Variants in PCBP3 observed in about 807,000 individuals in gnomAD.
The protein encoded by PCBP3 is poly(rC) binding protein 3, also known as poly(rC)-binding protein 3.
PCBP3 carries 25 observed loss-of-function variants against 52.7 expected under a neutral mutation model. That is an observed-to-expected ratio of 0.47 (90% CI 0.35 to 0.66). The LOEUF is 0.66. Ranked by LOEUF, PCBP3 falls within the 30% of genes least tolerant of loss-of-function variation. The pLI is 0.01. For missense variants in PCBP3, 391 were observed against 490.3 expected, an observed-to-expected ratio of 0.80 and a Z score of 1.91; for synonymous variants, 162 against 183.0, an observed-to-expected ratio of 0.89 and a Z score of 0.93.
rs143438385 is a variant in PCBP3, at chr21:45,898,922, G to A, written c.166-677G>A. Reference sequence around the variant, plus strand: ...TTTTCCACAGACCCCTCTGCACGCCGTCCTCACGGCCTCCCTCTCCCTCCA... The same window carrying A: ...TTTTCCACAGACCCCTCTGCACGCCATCCTCACGGCCTCCCTCTCCCTCCA... On this transcript the variant is annotated intron_variant, in intron 6 of 17. Coordinates refer to ENST00000681687, the MANE Select transcript of PCBP3 (RefSeq NM_001384156.1). Among the ~76,000 whole-genome samples, 1,073 of 144,248 alleles carry A rather than the reference G, an allele frequency of 7.4e-3. 17 individuals carry two copies. Among genetic ancestry groups the A allele is most frequent in the African/African-American group, 0.025 (966 of 38,154 alleles). The allele number at this position is 144,248 out of a possible 152,430, so 94.6% of individuals were successfully genotyped here. A position where few individuals can be genotyped will look rare whatever the true frequency, so the allele number is the denominator to read the frequency against.
chr21:45,924,017 A>G (rs868410932), intron 13 of PCBP3, among the ~76,000 whole-genome samples: 372 of 25,718 alleles, frequency 0.014, 59 homozygotes, highest in Middle Eastern at 0.036. Context: ...TCGGGTGTGC[A>G]CGAGGAGATG....
intron 2 of PCBP3, among the ~76,000 whole-genome samples, chr21:45,685,425 A>G (rs1454138089): frequency 6.6e-6 from 1 of 151,956 alleles, no homozygotes; most frequent in African/African-American, 2.4e-5. Context: ...TACCACCACT[A>G]AAAAAAATAA....
chr21:45,822,400 A>T (rs2093167231), intron 4 of PCBP3, among the ~76,000 whole-genome samples: 1 of 152,196 alleles, frequency 6.6e-6, no homozygotes, highest in Admixed American at 6.5e-5. Context: ...CTATAAATCA[A>T]CCATAGCAAG....
rs549948948 is a variant in PCBP3 at position 45,704,086 on chromosome 21, A to G, written c.-199-31306A>G. Among the ~76,000 whole-genome samples the G allele has an allele frequency of 1.4e-4, 22 of 152,288 alleles. No homozygotes were observed. The highest frequency in any genetic ancestry group is 6.8e-3 in the Middle Eastern group (2 of 294). ...GAGGCTGGCCCTCTGGCTGATGTCAAGAGGTCAGAAGGGAAGACACGTTTA... is the reference window on the plus strand; with the variant it reads ...GAGGCTGGCCCTCTGGCTGATGTCAGGAGGTCAGAAGGGAAGACACGTTTA... On this transcript the variant is annotated intron_variant, in intron 2 of 17. Coordinates refer to ENST00000681687, the MANE Select transcript of PCBP3 (RefSeq NM_001384156.1). This position sits in a 1 kb window ranked among gnomAD's most constrained non-coding sequence, Gnocchi z 4.1.
chr21:45,890,487 A>T (rs1031927799), intron 5 of PCBP3, among the ~76,000 whole-genome samples: 1 of 152,030 alleles, frequency 6.6e-6, no homozygotes, highest in African/African-American at 2.4e-5. Flanking sequence ...GGGAATGTAG[A>T]TAATAGAACC....
chr21:45,827,103 C>T lies in PCBP3; in HGVS notation c.-125-22858C>T, dbSNP rs1187563275. 6.6e-6 allele frequency among the ~76,000 whole-genome samples: 1 copy of T among 152,176 alleles called. No individual in the cohort carries two copies. The highest frequency in any genetic ancestry group is 2.1e-4 in the South Asian group (1 of 4,832). On this transcript the variant is annotated intron_variant, in intron 4 of 17. Coordinates refer to ENST00000681687, the MANE Select transcript of PCBP3 (RefSeq NM_001384156.1). This position sits in a 1 kb window ranked among gnomAD's most constrained non-coding sequence, Gnocchi z 4.3. Reference sequence around the variant, plus strand: ...GGCTCTCAAGAGCGCTCCCCACTCCCGCGTCCCTGGGGACCACACGGGGAC... The same window carrying T: ...GGCTCTCAAGAGCGCTCCCCACTCCTGCGTCCCTGGGGACCACACGGGGAC...
intron 4 of PCBP3, among the ~76,000 whole-genome samples, chr21:45,767,044 C>A (rs1171007697): frequency 1.3e-5 from 2 of 152,120 alleles, no homozygotes; most frequent in Admixed American, 6.5e-5. Flanking sequence ...CTCCCCTCCC[C>A]CCTTTTAATT....
At chr21:45,895,649 C>G (rs952334300) in intron 5 of PCBP3, among the ~76,000 whole-genome samples, 1 of 152,260 alleles carries the variant, frequency 6.6e-6, no homozygotes, top group East Asian at 1.9e-4. Flanking sequence ...TTGGAAGGCA[C>G]TTGCCGAGAA....
chr21:45,809,551 A>G (rs955686090), intron 4 of PCBP3, among the ~76,000 whole-genome samples: 80 of 152,178 alleles, frequency 5.3e-4, no homozygotes, highest in African/African-American at 1.6e-3. Flanking sequence ...GGGGAGCACA[A>G]TCGTGCTCGG....
At chr21:45,695,602 A>G (rs768029831) in intron 2 of PCBP3, among the ~76,000 whole-genome samples, 43 of 151,976 alleles carry the variant, frequency 2.8e-4, no homozygotes, top group Non-Finnish European at 4.0e-4. Flanking sequence ...TGTTATTCCT[A>G]TATTCTTTAC....
chr21:45,720,648 G>A (rs1354772037), intron 2 of PCBP3, among the ~76,000 whole-genome samples: 2 of 152,170 alleles, frequency 1.3e-5, no homozygotes, highest in Admixed American at 1.3e-4. Context: ...TTGGAGTTTT[G>A]AAAACACCTT....
intron 15 of PCBP3, among the ~76,000 whole-genome samples, chr21:45,934,389 A>G (rs919860377): frequency 6.6e-6 from 1 of 152,214 alleles, no homozygotes; most frequent in African/African-American, 2.4e-5. Flanking sequence ...GCAGCTTCCA[A>G]GCAAGAGCAA....
chr21:45,927,813 G>A (rs2075673436), intron 13 of PCBP3, among the ~76,000 whole-genome samples: 1 of 152,126 alleles, frequency 6.6e-6, no homozygotes, highest in Non-Finnish European at 1.5e-5. Context: ...GAGACACCAG[G>A]CCTTCCTGTC....
intron 2 of PCBP3, among the ~76,000 whole-genome samples, chr21:45,685,315 A>C (rs2082085687): frequency 6.6e-6 from 1 of 152,174 alleles, no homozygotes; most frequent in South Asian, 2.1e-4. Context: ...ACAGTTGTGG[A>C]GATAGATGGT....
At chr21:45,712,119 A>C (rs1185935657) in intron 2 of PCBP3, among the ~76,000 whole-genome samples, 1 of 152,236 alleles carries the variant, frequency 6.6e-6, no homozygotes, top group South Asian at 2.1e-4. Flanking sequence ...TGTTGTATAA[A>C]TATACCTTGA....
chr21:45,757,030 G>A (rs1342288288), intron 4 of PCBP3, among the ~76,000 whole-genome samples: 1 of 152,148 alleles, frequency 6.6e-6, no homozygotes, highest in East Asian at 1.9e-4. Context: ...TTTTAACTTA[G>A]CTTGAGTTTA....
At chr21:45,740,735 A>G (rs570113264) in intron 3 of PCBP3, among the ~76,000 whole-genome samples, 32 of 151,286 alleles carry the variant, frequency 2.1e-4, no homozygotes, top group South Asian at 1.0e-3. Context: ...GTGTGCACGC[A>G]TGCGTGTGTG....
intron 5 of PCBP3, chr21:45,894,142 T>C (rs2095758815): frequency 5.5e-6 from 3 of 541,888 alleles, no homozygotes; most frequent in Non-Finnish European, 7.1e-6. Flanking sequence ...GGGCACTGAG[T>C]CCCAGGTGAC....
Position 45,923,920 on chromosome 21 carries a change from G to A in PCBP3, c.718-5997G>A, listed in dbSNP as rs71324456. Among the ~76,000 whole-genome samples the A allele has an allele frequency of 4.6e-4, 23 of 49,872 alleles. 1 individual carries two copies. The highest frequency in any genetic ancestry group is 7.7e-4 in the African/African-American group (5 of 6,458). The allele number at this position is 49,872 out of a possible 152,430, so 32.7% of individuals were successfully genotyped here. A position where few individuals can be genotyped will look rare whatever the true frequency, so the allele number is the denominator to read the frequency against. On this transcript the variant is annotated intron_variant, in intron 13 of 17. Transcript: ENST00000681687. ...GCGAACACCGGGAACAGTCGAGTGG[G>A]TAGAAACAGCACACGTAAGATCAGG...
Sources: allele counts gnomAD v4.1 joint callset (sites outside exome capture counted in the v4.1 genomes callset), GRCh38; gene constraint gnomAD v4.1.1; non-coding constraint Gnocchi (gnomAD v3.1); transcripts MANE v1.5; gene names NCBI Gene and HGNC (gene_info 2026-07-23, HGNC 2026-07-21).